The following MKNK2 variants were observed in gnomAD, a reference collection of about 807,000 sequenced individuals.
MKNK2 encodes MAP kinase-interacting serine/threonine-protein kinase 2.
In MKNK2, 54 loss-of-function variants were observed where a neutral mutation model predicts 55.0. The observed-to-expected ratio is 0.98, with a 90% CI of 0.79 to 1.23. MKNK2 has a LOEUF of 1.23. Ranked by LOEUF, MKNK2 falls within the 50% of genes most tolerant of loss-of-function variation. The probability of loss-of-function intolerance (pLI) is 0.00; values close to 1 mark genes in which losing one functional copy is unlikely to be tolerated. For synonymous variants in MKNK2, 323 were observed against 256.0 expected (o/e 1.26, Z -2.50); for missense variants, 685 against 632.1 (o/e 1.08, Z -0.90).
intron 10 of MKNK2, 161 bp from the exon 11 acceptor site, chr19:2,042,195 G>A (rs2016902279): frequency 1.3e-6 from 1 of 757,928 alleles, no homozygotes; most frequent in Non-Finnish European, 2.0e-6. Context: ...CAATCAGCAG[G>A]TGCAGAGCTC....
chr19:2,037,631 GTTTTT>G lies in MKNK2; in HGVS notation c.*1977_*1981del, dbSNP rs71652796. 35 of 591,616 alleles carry G rather than the reference GTTTTT, an allele frequency of 5.9e-5. No homozygotes were observed. Among genetic ancestry groups the G allele is most frequent in the East Asian group, 3.9e-5 (1 of 25,660 alleles). The allele number at this position is 591,616 out of a possible 1,614,324, so 36.6% of individuals were successfully genotyped here. A position where few individuals can be genotyped will look rare whatever the true frequency, so the allele number is the denominator to read the frequency against. ...CCCCCACTTTAAAAAAACTTTTGAG[GTTTTT>G]TTTTTTTTTTTGTCTTTTAAAAACA... On this transcript the variant is annotated 3_prime_UTR_variant, in exon 14 of 14. Transcript: ENST00000250896.
At chr19:2,050,094 G>A (rs969560399) in intron 2 of MKNK2, among the ~76,000 whole-genome samples, 1 of 152,158 alleles carries the variant, frequency 6.6e-6, no homozygotes, top group African/African-American at 2.4e-5. Context: ...GTCCTGCGGG[G>A]CCCCTGCCCA....
intron 2 of MKNK2, among the ~76,000 whole-genome samples, chr19:2,049,683 C>T (rs2017071374): frequency 1.3e-5 from 2 of 152,198 alleles, no homozygotes; most frequent in South Asian, 2.1e-4. Context: ...TCAGCTCATG[C>T]CTGGCCCTAG....
Position 2,039,519 on chromosome 19 carries a change from G to A in MKNK2, c.*94C>T, listed in dbSNP as rs1054667285. ...TGCCTGGGAATCCAGGCAGAGGAGG[G>A]GCAGCCCGCTGGACACCGGCTGGCG... On this transcript the variant is annotated 3_prime_UTR_variant, in exon 14 of 14. Coordinates refer to ENST00000250896, the MANE Select transcript of MKNK2 (RefSeq NM_199054.3). 5.9e-5 allele frequency: 87 copies of A among 1,475,486 alleles called. No individual in the cohort carries two copies. The highest frequency in any genetic ancestry group is 1.6e-4 in the Admixed American group (7 of 44,984). 91.4% of individuals were successfully genotyped at this position (1,475,486 alleles called of 1,614,324 possible). A position where few individuals can be genotyped will look rare whatever the true frequency, so the allele number is the denominator to read the frequency against.
intron 12 of MKNK2, 38 bp downstream of exon 12, chr19:2,041,002 C>G: frequency 6.2e-7 from 1 of 1,609,554 alleles, no homozygotes; most frequent in East Asian, 2.2e-5. Context: ...CTGCAGCGCC[C>G]CCATACCCCT....
rs576851473 is a variant in MKNK2 at position 2,038,472 on chromosome 19, A to G, written c.*1141T>C. ...CTCCGCAGCCCCCGGGGGTTGGAGC[A>G]TGGAGGGTGGGGGGACTGAGCAGAC... On this transcript the variant is annotated 3_prime_UTR_variant, in exon 14 of 14. Coordinates refer to ENST00000250896, the MANE Select transcript of MKNK2 (RefSeq NM_199054.3). The G allele has an allele frequency of 1.2e-4, 119 of 985,422 alleles. No individual in the cohort carries two copies. The highest frequency in any genetic ancestry group is 1.4e-4 in the Non-Finnish European group (114 of 829,932). 61.0% of individuals were successfully genotyped at this position (985,422 alleles called of 1,614,324 possible).
At position 2,041,869 on chromosome 19, in the gene MKNK2, C is replaced by A; in HGVS notation, c.916G>T (p.Asp306Tyr). Reference sequence around the variant, plus strand: ...CAGGCAGGGCAGGCCTCGCCGCGGTCCCAGCCGCAGTCGCTGCCACAGCGG... The same window carrying A: ...CAGGCAGGGCAGGCCTCGCCGCGGTACCAGCCGCAGTCGCTGCCACAGCGG... ...VGRCGSDCGW[D>Y]RGEACPACQN... Residue 306 changes from aspartate (D) to tyrosine (Y), a missense_variant, in exon 11 of 14, where the codon GAC (aspartate) becomes TAC (tyrosine). Transcript: ENST00000250896. The A allele has an allele frequency of 1.3e-6, 2 of 1,539,522 alleles. No individual in the cohort carries two copies. Among genetic ancestry groups the A allele is most frequent in the Non-Finnish European group, 1.8e-6 (2 of 1,142,146 alleles).
chr19:2,048,981 G>A (rs893311071), intron 2 of MKNK2, among the ~76,000 whole-genome samples: 19 of 152,294 alleles, frequency 1.2e-4, no homozygotes, highest in South Asian at 1.2e-3. Flanking sequence ...GCGGTGAGAC[G>A]GGAGGCAGCT....
chr19:2,043,069 A>G, intron 7 of MKNK2, 55 bp downstream of exon 7: 1 of 1,493,648 alleles, frequency 6.7e-7, no homozygotes, highest in Non-Finnish European at 9.3e-7. Context: ...CTAGGCCCCC[A>G]TCCCGTAATA....
At chr19:2,043,031 C>A in intron 7 of MKNK2, 93 bp downstream of exon 7, 1 of 1,300,392 alleles carries the variant, frequency 7.7e-7, no homozygotes, top group Non-Finnish European at 1.1e-6. Context: ...AGGACACTCA[C>A]CCCACAAGCC....
intron 2 of MKNK2, among the ~76,000 whole-genome samples, chr19:2,049,942 C>G (rs1232637560): frequency 6.6e-6 from 1 of 152,196 alleles, no homozygotes; most frequent in Admixed American, 6.5e-5. Flanking sequence ...CACATACACT[C>G]ACACTCTCTC....
rs191074909 is a variant in MKNK2, at chr19:2,038,674, G to A, written c.*939C>T. On this transcript the variant is annotated 3_prime_UTR_variant, in exon 14 of 14. Transcript: ENST00000250896. ...CCAGGTCAGGCCCGAGGGGCGGCGCGAGGCAGGACGTGGCTACGGTCAGAC... is the reference window on the plus strand; with the variant it reads ...CCAGGTCAGGCCCGAGGGGCGGCGCAAGGCAGGACGTGGCTACGGTCAGAC... 1.2e-4 allele frequency: 120 copies of A among 985,734 alleles called. No individual in the cohort carries two copies. The Middle Eastern group carries it at 1.6e-3, about 13-fold the overall frequency. 61.1% of individuals were successfully genotyped at this position (985,734 alleles called of 1,614,324 possible).
At position 2,039,832 on chromosome 19, in the gene MKNK2, C is replaced by T. The variant is rs755424897; in HGVS notation, c.1179G>A (p.Thr393=). The change falls in exon 14 of 14, where the codon ACG becomes ACA. Residue 393 remains threonine, a synonymous_variant. Coordinates refer to ENST00000250896, the MANE Select transcript of MKNK2 (RefSeq NM_199054.3). The part of the protein sequence containing the change: ...LQRNSCAKDL[T]SFAAEAIAMN... Reference sequence around the variant, plus strand: ...TGGCAATGGCCTCAGCCGCGAAGGACGTGAGGTCTTTGGCACAGCTGTTCC... The same window carrying T: ...TGGCAATGGCCTCAGCCGCGAAGGATGTGAGGTCTTTGGCACAGCTGTTCC... 1.1e-5 allele frequency: 18 copies of T among 1,599,400 alleles called. No homozygotes were observed. In the Admixed American group the frequency reaches 1.3e-4, roughly 12 times the overall value.
Position 2,039,006 on chromosome 19 carries a change from G to T in MKNK2, c.*607C>A. The stretch of plus-strand genomic sequence containing the variant: ...GGGGACAAGGCAGGCGCGGGTGAAG[G>T]GCTGGGGGATCCCATGGGGTGGGTG... On this transcript the variant is annotated 3_prime_UTR_variant, in exon 14 of 14. Transcript: ENST00000250896. 1.0e-6 allele frequency: 1 copy of T among 986,504 alleles called. No homozygotes were observed. Among genetic ancestry groups the T allele is most frequent in the South Asian group, 4.7e-5 (1 of 21,334 alleles). The allele number at this position is 986,504 out of a possible 1,614,324, so 61.1% of individuals were successfully genotyped here.
In MKNK2 at chr19:2,038,541, GT is replaced by G. The variant is rs1205722928; in HGVS notation, c.*1071del. 1.0e-5 allele frequency: 10 copies of G among 985,744 alleles called. 1 individual carries two copies. The Admixed American group carries it at 4.9e-4, about 48-fold the overall frequency. The allele number at this position is 985,744 out of a possible 1,614,324, so 61.1% of individuals were successfully genotyped here. A position where few individuals can be genotyped will look rare whatever the true frequency, so the allele number is the denominator to read the frequency against. On this transcript the variant is annotated 3_prime_UTR_variant, in exon 14 of 14. Transcript: ENST00000250896. Reference sequence around the variant, plus strand: ...CCGAAGGGAGGCCGAGGCCGCAGCCGTTTTCCTGAAGGTGGCAGACCAAAAA... The same window carrying G: ...CCGAAGGGAGGCCGAGGCCGCAGCCGTTTCCTGAAGGTGGCAGACCAAAAA...
chr19:2,041,241 C>G (rs1451577756), intron 11 of MKNK2, 37 bp from the exon 12 acceptor site: 1 of 1,587,562 alleles, frequency 6.3e-7, no homozygotes, highest in South Asian at 1.2e-5. Context: ...TAGACCTGCC[C>G]AAGGGCCTGG....
intron 2 of MKNK2, among the ~76,000 whole-genome samples, chr19:2,049,272 C>T (rs1360165540): frequency 6.6e-6 from 1 of 152,246 alleles, no homozygotes; most frequent in African/African-American, 2.4e-5. Flanking sequence ...CCAAGGCACC[C>T]ACAGACGTGC....
intron 2 of MKNK2, among the ~76,000 whole-genome samples, chr19:2,049,812 C>T (rs965404894): frequency 2.6e-5 from 4 of 152,166 alleles, no homozygotes; most frequent in African/African-American, 9.7e-5. Flanking sequence ...GGAGTGCTGC[C>T]CTGGGGCACT....
rs951141429 is a variant in MKNK2 at position 2,043,170 on chromosome 19, G to A, written c.447C>T (p.Phe149=). Residue 149 remains phenylalanine, a synonymous_variant, in exon 7 of 14, where the codon TTC becomes TTT. Transcript: ENST00000250896. ...CCAGGTAGAAGCGGTCCTCCTCCTCGAAGAACTCAATCAGCTCTAGGACGT... is the reference window on the plus strand; with the variant it reads ...CCAGGTAGAAGCGGTCCTCCTCCTCAAAGAACTCAATCAGCTCTAGGACGT... ...HRNVLELIEF[F]EEEDRFYLVF... 8.3e-6 allele frequency: 13 copies of A among 1,557,402 alleles called. No individual in the cohort carries two copies. The highest frequency in any genetic ancestry group is 5.0e-5 in the Admixed American group (3 of 59,912).
Sources: allele counts gnomAD v4.1 joint callset (sites outside exome capture counted in the v4.1 genomes callset), GRCh38; gene constraint gnomAD v4.1.1; transcripts MANE v1.5; gene names NCBI Gene and HGNC (gene_info 2026-07-23, HGNC 2026-07-21).